The following ALG8 variants were observed in gnomAD, a reference collection of about 807,000 sequenced individuals.
The protein encoded by ALG8 is dolichyl pyrophosphate Glc1Man9GlcNAc2 alpha-1,3-glucosyltransferase.
A neutral mutation model predicts 70.2 loss-of-function variants in ALG8; 48 were observed. That is an observed-to-expected ratio of 0.68 (90% CI 0.54 to 0.87). ALG8 has a LOEUF of 0.87. Ranked by LOEUF, ALG8 falls within the 40% of genes least tolerant of loss-of-function variation. The pLI is 0.00. For missense variants in ALG8, 572 were observed against 608.7 expected, an observed-to-expected ratio of 0.94 and a Z score of 0.64; for synonymous variants, 234 against 229.0, an observed-to-expected ratio of 1.02 and a Z score of -0.20.
At position 78,106,347 on chromosome 11, in the gene ALG8, G is replaced by A. The variant is rs150962216; in HGVS notation, c.1178+460C>T. On this transcript the variant is annotated intron_variant, in intron 10 of 12. Transcript: ENST00000299626. ...CGAGTAGCTGGGACTACAGGCATGT[G>A]CCACTATGCCCAGCTAATTTTTTGT... Among the ~76,000 whole-genome samples, 290 of 152,168 alleles carry A rather than the reference G, an allele frequency of 1.9e-3. 2 individuals are homozygous for A. The highest frequency in any genetic ancestry group is 6.8e-3 in the African/African-American group (281 of 41,494).
intron 7 of ALG8, among the ~76,000 whole-genome samples, chr11:78,113,042 C>T (rs1200842498): frequency 1.3e-5 from 2 of 152,130 alleles, no homozygotes; most frequent in African/African-American, 4.8e-5. Flanking sequence ...AGCTACAAAG[C>T]AGAACACAGA....
At chr11:78,108,598 G>A (rs1860146274) in intron 9 of ALG8, among the ~76,000 whole-genome samples, 1 of 152,196 alleles carries the variant, frequency 6.6e-6, no homozygotes, top group Admixed American at 6.5e-5. Flanking sequence ...CAATAAATTA[G>A]ATTTACCATA....
intron 1 of ALG8, among the ~76,000 whole-genome samples, chr11:78,132,239 A>G (rs2136943234): frequency 6.6e-6 from 1 of 152,318 alleles, no homozygotes; most frequent in East Asian, 1.9e-4. Flanking sequence ...AAATACTTCC[A>G]AAGTTAGTTG....
In ALG8 at chr11:78,112,720, G is replaced by A; in HGVS notation, c.828C>T (p.Leu276=). The A allele has an allele frequency of 2.5e-6, 4 of 1,614,086 alleles. No individual in the cohort carries two copies. The highest frequency in any genetic ancestry group is 3.4e-6 in the Non-Finnish European group (4 of 1,179,956). ...AGTTTGGAGCCCAATATGCATGACA[G>A]AGGCCCCTCTTGAAAGGAAAGAGTC... ...FSRLFPFKRG[L]CHAYWAPNFW... is the part of the protein sequence containing the mutation. The change falls in exon 8 of 13, where the codon CTC becomes CTT. Residue 276 remains leucine (L), a synonymous_variant. Coordinates refer to ENST00000299626, the MANE Select transcript of ALG8 (RefSeq NM_024079.5).
rs764468497 is a variant in ALG8 at position 78,104,059 on chromosome 11, AAAG to A, written c.1277-10_1277-8del. ...AAGATTTTAATGGGAAGTTCTGTTA[AAAG>A]AATAGAAAAAAAAAGATAATTTAGC... On this transcript the variant is annotated splice_region_variant and splice_polypyrimidine_tract_variant and intron_variant, in intron 11 of 12. Transcript: ENST00000299626. 176 of 1,458,556 alleles carry A rather than the reference AAAG, an allele frequency of 1.2e-4. No individual in the cohort carries two copies. The Middle Eastern group carries it at 1.4e-3, about 11-fold the overall frequency. 90.4% of individuals were successfully genotyped at this position (1,458,556 alleles called of 1,614,324 possible). A position where few individuals can be genotyped will look rare whatever the true frequency, so the allele number is the denominator to read the frequency against.
chr11:78,136,467 A>G (rs1861556550), intron 1 of ALG8, among the ~76,000 whole-genome samples: 1 of 152,032 alleles, frequency 6.6e-6, no homozygotes, highest in African/African-American at 2.4e-5. Flanking sequence ...AGCGCAGGAG[A>G]TTAAGGCTGC....
intron 1 of ALG8, among the ~76,000 whole-genome samples, chr11:78,129,722 C>G (rs915214011): frequency 2.0e-5 from 3 of 152,128 alleles, no homozygotes; most frequent in Non-Finnish European, 4.4e-5. Context: ...CTCTGAAGGC[C>G]AGTGAAATTT....
chr11:78,137,520 A>G (rs1861602379), intron 1 of ALG8: 1 of 152,244 alleles, frequency 6.6e-6, no homozygotes, highest in Non-Finnish European at 1.5e-5. Context: ...ATCAAGCTCA[A>G]TCATTTCTAG....
chr11:78,112,288 T>C (rs1368175972), intron 8 of ALG8: 2 of 321,832 alleles, frequency 6.2e-6, no homozygotes, highest in Non-Finnish European at 1.2e-5. Context: ...TAAAAATAAG[T>C]AGGGGTTTGA....
chr11:78,135,227 C>T (rs1280815416), intron 1 of ALG8: 1 of 151,998 alleles, frequency 6.6e-6, no homozygotes, highest in Admixed American at 6.6e-5. Flanking sequence ...TGGTAGCACA[C>T]ACCTTAAGTC....
intron 9 of ALG8, among the ~76,000 whole-genome samples, chr11:78,107,307 A>G (rs565236739): frequency 9.4e-4 from 139 of 148,004 alleles, no homozygotes; most frequent in African/African-American, 3.3e-3. Context: ...TGCAACCTCC[A>G]CCTCCTGGGT....
intron 2 of ALG8, among the ~76,000 whole-genome samples, chr11:78,126,389 G>C (rs1392584305): frequency 1.4e-5 from 2 of 144,856 alleles, no homozygotes; most frequent in Admixed American, 6.9e-5. Flanking sequence ...AAATTAACTG[G>C]GGCATGGTGG....
chr11:78,101,258 C>T, intron 12 of ALG8, 63 bp from the exon 13 acceptor site: 1 of 1,377,630 alleles, frequency 7.3e-7, no homozygotes, highest in Non-Finnish European at 1.0e-6. Flanking sequence ...GCAAACATTT[C>T]CTAGCTAAAG....
chr11:78,101,281 C>T, intron 12 of ALG8, 86 bp from the exon 13 acceptor site: 3 of 1,086,902 alleles, frequency 2.8e-6, no homozygotes, highest in Admixed American at 2.0e-5. Flanking sequence ...TCCCCATCTG[C>T]ACTGTCTTGC....
intron 11 of ALG8, 36 bp downstream of exon 11, chr11:78,104,320 T>C: frequency 6.6e-7 from 1 of 1,518,602 alleles, no homozygotes; most frequent in South Asian, 1.3e-5. Context: ...AAGGTTGTGA[T>C]AGTCAAATAT....
chr11:78,122,503 G>A (rs1860867376), intron 3 of ALG8, among the ~76,000 whole-genome samples: 2 of 151,994 alleles, frequency 1.3e-5, no homozygotes, highest in South Asian at 4.2e-4. Context: ...AACCACAGCT[G>A]GCTAATTTTT....
intron 11 of ALG8, 32 bp from the exon 12 acceptor site, chr11:78,104,084 T>C (rs1233619223): frequency 7.5e-7 from 1 of 1,335,704 alleles, no homozygotes; most frequent in African/African-American, 1.4e-5. Flanking sequence ...AAAGATAATT[T>C]AGCTGATGAC....
chr11:78,112,882 G>A (rs1860368288), intron 7 of ALG8, 112 bp from the exon 8 acceptor site: 1 of 1,315,492 alleles, frequency 7.6e-7, no homozygotes, highest in Non-Finnish European at 1.0e-6. Context: ...TGGGGTCTGG[G>A]TTCTAGTAAG....
At chr11:78,130,733 G>C (rs1418593968) in intron 1 of ALG8, among the ~76,000 whole-genome samples, 1 of 151,878 alleles carries the variant, frequency 6.6e-6, no homozygotes, top group Non-Finnish European at 1.5e-5. Flanking sequence ...CTTCATGAGG[G>C]TCTTTTTTCA....
Sources: gnomAD v4.1 joint callset for allele counts (sites outside exome capture counted in the v4.1 genomes callset) on GRCh38, gnomAD v4.1.1 for gene constraint, MANE v1.5 for transcripts, NCBI Gene and HGNC (gene_info 2026-07-23, HGNC 2026-07-21) for gene names.